BMX: variants seen among roughly 807,000 people sequenced by gnomAD.
BMX encodes BMX non-receptor tyrosine kinase.
BMX carries 31 observed loss-of-function variants against 59.2 expected under a neutral mutation model. The observed-to-expected ratio is 0.52, with a 90% CI of 0.39 to 0.71. BMX has a LOEUF of 0.71. Among genes scored for constraint, BMX ranks in the 30% least tolerant of loss-of-function variants. The pLI is 0.00. For synonymous variants in BMX, 185 were observed against 181.0 expected (o/e 1.02, Z -0.18); for missense variants, 474 against 491.7 (o/e 0.96, Z 0.34).
At chrX:15,525,012 T>G (rs1211283745) in intron 7 of BMX, among the ~76,000 whole-genome samples, 1 of 112,164 alleles carries the variant, frequency 8.9e-6, no homozygotes, top group Non-Finnish European at 1.9e-5. Context: ...CAAGATGATT[T>G]ATTAATCTAG....
chrX:15,525,350 C>T lies in BMX; in HGVS notation c.815C>T (p.Thr272Ile). The T allele has an allele frequency of 8.3e-7, 1 of 1,206,992 alleles. No homozygotes were observed. Among genetic ancestry groups the T allele is most frequent in the Non-Finnish European group, 1.1e-6 (1 of 891,764 alleles). The change falls in exon 8 of 19, where the codon ACC (threonine) becomes ATC (isoleucine). Residue 272 changes from threonine to isoleucine, a missense_variant. Transcript: ENST00000348343. ...AAAGAAAGAAATGTGAATCACACCACCTCAAAGATTTCATGGTAAATCAAA... is the reference window on the plus strand; with the variant it reads ...AAAGAAAGAAATGTGAATCACACCATCTCAAAGATTTCATGGTAAATCAAA... The part of the protein sequence containing the change: ...NQKERNVNHT[T>I]SKISWEFPES...
At chrX:15,507,222 A>C in intron 1 of BMX, 1 of 466,140 alleles carries the variant, frequency 2.1e-6, no homozygotes, top group Non-Finnish European at 2.7e-6. Context: ...CAGACAGAGC[A>C]ATGCCTGTGT....
chrX:15,519,292 A>G (rs1183068280), intron 6 of BMX, among the ~76,000 whole-genome samples: 2 of 112,321 alleles, frequency 1.8e-5, no homozygotes, highest in East Asian at 5.6e-4. Context: ...CTTTCTAAGT[A>G]AAAGCCACAT....
In BMX at chrX:15,522,410, C is replaced by G. The variant is rs1569222806; in HGVS notation, c.575C>G (p.Ala192Gly). 1 of 1,212,004 alleles carries G rather than the reference C, an allele frequency of 8.3e-7. No homozygotes were observed. Among genetic ancestry groups the G allele is most frequent in the Non-Finnish European group, 1.1e-6 (1 of 895,455 alleles). ...GCACCATCTTCAAGTACCACTCTAG[C>G]CCAATATGACAACGAATCAAAGAAA... ...MDAPSSSTTL[A>G]QYDNESKKNY... Residue 192 changes from alanine (A) to glycine (G), a missense_variant, in exon 7 of 19, where the codon GCC becomes GGC. Coordinates refer to ENST00000348343, the MANE Select transcript of BMX (RefSeq NM_203281.3).
chrX:15,508,473 C>A lies in BMX; in HGVS notation c.120C>A (p.Tyr40Ter). 8.5e-7 allele frequency: 1 copy of A among 1,182,663 alleles called. No homozygotes were observed. The highest frequency in any genetic ancestry group is 1.1e-6 in the Non-Finnish European group (1 of 883,297). ...LFVLTKTNLSYYEYDKMKRGS... is the reference protein window; with the variant it reads ...LFVLTKTNLS ...TTTTGACCAAAACAAACCTTTCCTA[C>A]TATGAATATGACAAAATGGTGAGAC... is the stretch of plus-strand genomic sequence containing the variant. Residue 40 changes from tyrosine to a stop codon, truncating the protein, a stop_gained, in exon 2 of 19, where the codon TAC (tyrosine) becomes TAA (stop). Transcript: ENST00000348343. LOFTEE classifies it high-confidence loss of function.
chrX:15,525,254 G>A (rs941443603), intron 7 of BMX, 34 bp from the exon 8 acceptor site: 2 of 1,163,935 alleles, frequency 1.7e-6, no homozygotes, highest in Middle Eastern at 2.5e-4. Context: ...GTAGACATAT[G>A]TTTATAAACT....
chrX:15,555,617 G>A (rs964449541), intron 18 of BMX, among the ~76,000 whole-genome samples: 2 of 111,331 alleles, frequency 1.8e-5, no homozygotes, highest in Non-Finnish European at 3.8e-5. Context: ...TTTTGGTGGC[G>A]TTGCTATTAT....
At position 15,536,809 on chromosome X, in the gene BMX, C is replaced by T. The variant is rs1192780796; in HGVS notation, c.1223-325C>T. Among the ~76,000 whole-genome samples the T allele has an allele frequency of 2.7e-5, 3 of 110,850 alleles. No individual in the cohort carries two copies. In the East Asian group the frequency reaches 8.5e-4, roughly 31 times the overall value. On this transcript the variant is annotated intron_variant, in intron 13 of 18. Transcript: ENST00000348343. ...TAATTTTTTTATTAAAAAAATCTGA[C>T]AATGTTTTACCAATCTAAGGACATC...
chrX:15,516,126 C>G lies in BMX; in HGVS notation c.340C>G (p.Pro114Ala). 8.3e-7 allele frequency: 1 copy of G among 1,210,393 alleles called. No individual in the cohort carries two copies. Among genetic ancestry groups the G allele is most frequent in the Non-Finnish European group, 1.1e-6 (1 of 894,487 alleles). ...CTGCTCCTCAGAGATAAGGGGTAAC[C>G]CCCACCTGCTGGTCAAGTACCATAG... Reference protein sequence around the residue: ...KALQKEIRGNPHLLVKYHSGF... With the variant: ...KALQKEIRGNAHLLVKYHSGF... Residue 114 changes from proline to alanine, a missense_variant, in exon 5 of 19, where the codon CCC (proline) becomes GCC (alanine). By Grantham distance (27) the Pro-to-Ala change is conservative. Transcript: ENST00000348343.
At chrX:15,551,583 C>T (rs986632202) in intron 18 of BMX, among the ~76,000 whole-genome samples, 1 of 108,052 alleles carries the variant, frequency 9.3e-6, no homozygotes, top group Non-Finnish European at 1.9e-5. Flanking sequence ...CCAGGCAGTA[C>T]GCTTGGTGCT....
chrX:15,528,818 G>A (rs1296351939), intron 9 of BMX, among the ~76,000 whole-genome samples: 1 of 112,155 alleles, frequency 8.9e-6, no homozygotes, highest in Admixed American at 9.4e-5. Flanking sequence ...GGGTACATAG[G>A]TTATATCACC....
At chrX:15,543,200 T>C (rs1925780065) in intron 16 of BMX, 65 bp downstream of exon 16, 22 of 1,065,417 alleles carry the variant, frequency 2.1e-5, no homozygotes, top group Non-Finnish European at 2.9e-5. Context: ...AACACCATCA[T>C]AATTGAAGGC....
At chrX:15,511,725 G>T (rs758070329) in intron 4 of BMX, among the ~76,000 whole-genome samples, 3 of 111,178 alleles carry the variant, frequency 2.7e-5, no homozygotes, top group East Asian at 5.7e-4. Context: ...GAAGCCTGTG[G>T]ATTGGATTCC....
In BMX at chrX:15,508,365, A is replaced by C. The variant is rs1295340360; in HGVS notation, c.12A>C (p.Lys4Asn). Residue 4 changes from lysine to asparagine, a missense_variant, in exon 2 of 19, where the codon AAA becomes AAC. Lys to Asn is a moderately conservative substitution (Grantham distance 94). Coordinates refer to ENST00000348343, the MANE Select transcript of BMX (RefSeq NM_203281.3). MDT[K>N]SILEELLLKR... ...TTTAGGATGATAATATGGATACAAAATCTATTCTAGAAGAACTTCTTCTCA... is the reference window on the plus strand; with the variant it reads ...TTTAGGATGATAATATGGATACAAACTCTATTCTAGAAGAACTTCTTCTCA... 8.9e-7 allele frequency: 1 copy of C among 1,128,998 alleles called. No homozygotes were observed. Among genetic ancestry groups the C allele is most frequent in the Admixed American group, 2.6e-5 (1 of 37,753 alleles). 93.0% of individuals were successfully genotyped at this position (1,128,998 alleles called of 1,213,427 possible).
At chrX:15,517,418 T>C (rs1237148773) in intron 5 of BMX, among the ~76,000 whole-genome samples, 1 of 111,718 alleles carries the variant, frequency 9.0e-6, no homozygotes, top group African/African-American at 3.3e-5. Flanking sequence ...GCTTTGACAA[T>C]GCCCTAACTT....
chrX:15,555,594 T>C (rs1468206347), intron 18 of BMX, among the ~76,000 whole-genome samples: 1 of 111,390 alleles, frequency 9.0e-6, no homozygotes, highest in Non-Finnish European at 1.9e-5. Context: ...GGGCACACTT[T>C]TTTAGTGTTT....
At position 15,541,974 on chromosome X, in the gene BMX, A is replaced by G; in HGVS notation, c.1395-8A>G. ...GAGCATTGAACTTTGAAAATCTGTT[A>G]TTTCCAGGAAACTCAGCCATCCCAA... On this transcript the variant is annotated splice_polypyrimidine_tract_variant and splice_region_variant and intron_variant, in intron 14 of 18. Coordinates refer to ENST00000348343, the MANE Select transcript of BMX (RefSeq NM_203281.3). 12 of 1,203,221 alleles carry G rather than the reference A, an allele frequency of 1.0e-5. No individual in the cohort carries two copies. Among genetic ancestry groups the G allele is most frequent in the South Asian group, 1.8e-5 (1 of 56,654 alleles).
At chrX:15,525,447 A>AAGTTT in intron 8 of BMX, 82 bp downstream of exon 8, 1 of 985,397 alleles carries the variant, frequency 1.0e-6, no homozygotes, top group African/African-American at 1.9e-5. Context: ...ATAATTTTGC[A>AAGTTT]GCTAGGCTTT....
At chrX:15,534,597 G>A (rs1205362271) in intron 12 of BMX, among the ~76,000 whole-genome samples, 2 of 111,026 alleles carry the variant, frequency 1.8e-5, no homozygotes, top group Non-Finnish European at 3.8e-5. Context: ...AAAAATATTC[G>A]TAGGGTTTTT....
Sources: gnomAD v4.1 joint callset for allele counts (sites outside exome capture counted in the v4.1 genomes callset) on GRCh38, gnomAD v4.1.1 for gene constraint, MANE v1.5 for transcripts, NCBI Gene and HGNC (gene_info 2026-07-23, HGNC 2026-07-21) for gene names.